Variants in SORCS1 observed in about 807,000 individuals in gnomAD.
SORCS1 encodes the protein sortilin related VPS10 domain containing receptor 1.
SORCS1 carries 60 observed loss-of-function variants against 146.1 expected under a neutral mutation model. The observed-to-expected ratio is 0.41, with a 90% CI of 0.33 to 0.51. SORCS1 has a LOEUF of 0.51. Ranked by LOEUF, SORCS1 falls within the 20% of genes least tolerant of loss-of-function variation. The pLI is 0.21. For missense variants in SORCS1, 1,352 were observed against 1,487.6 expected, an observed-to-expected ratio of 0.91 and a Z score of 1.50; for synonymous variants, 637 against 584.0, an observed-to-expected ratio of 1.09 and a Z score of -1.31.
intron 1 of SORCS1, among the ~76,000 whole-genome samples, chr10:107,004,804 C>T (rs985907739): frequency 1.3e-5 from 2 of 152,130 alleles, no homozygotes; most frequent in Non-Finnish European, 2.9e-5. Context: ...GCACTCTAGT[C>T]GAGGCATTTT....
chr10:107,176,229 CTCCT>C, the SORCS1 span, among the ~76,000 whole-genome samples: 2 of 149,390 alleles, frequency 1.3e-5, no homozygotes, highest in Admixed American at 6.7e-5. Context: ...TCCTTCCTCC[CTCCT>C]TCCCTGTTTT....
intron 2 of SORCS1, among the ~76,000 whole-genome samples, chr10:106,927,594 C>G (rs1486962825): frequency 6.6e-6 from 1 of 152,190 alleles, no homozygotes; most frequent in Non-Finnish European, 1.5e-5. Context: ...CACCCACATC[C>G]TGCCGATTGG....
intron 18 of SORCS1, among the ~76,000 whole-genome samples, chr10:106,638,714 C>T (rs537293182): frequency 1.3e-5 from 2 of 152,218 alleles, no homozygotes; most frequent in African/African-American, 4.8e-5. Context: ...TCACTTCATC[C>T]CCCTTCTAAA....
At chr10:106,956,673 T>C (rs961880357) in intron 1 of SORCS1, 93 bp from the exon 2 acceptor site, 11 of 1,004,056 alleles carry the variant, frequency 1.1e-5, no homozygotes, top group East Asian at 4.9e-5. Flanking sequence ...ATTCCTTTAA[T>C]AGTCACTTAA....
intron 1 of SORCS1, among the ~76,000 whole-genome samples, chr10:107,146,134 T>C (rs1189962030): frequency 1.3e-5 from 2 of 152,188 alleles, no homozygotes; most frequent in African/African-American, 4.8e-5. Context: ...GGTATAAGTA[T>C]AGCTTATGAT....
chr10:106,721,367 G>C (rs1252049160), intron 6 of SORCS1, among the ~76,000 whole-genome samples: 3 of 152,084 alleles, frequency 2.0e-5, no homozygotes, highest in Non-Finnish European at 4.4e-5. Context: ...AGTGGGGGTA[G>C]CAATCTGATA....
chr10:107,064,319 AT>A (rs1488193426), intron 1 of SORCS1, among the ~76,000 whole-genome samples: 1 of 152,146 alleles, frequency 6.6e-6, no homozygotes, highest in Non-Finnish European at 1.5e-5. Flanking sequence ...GACACCCACA[AT>A]CAATTAATGC....
intron 1 of SORCS1, among the ~76,000 whole-genome samples, chr10:107,019,493 C>T (rs1394997122): frequency 5.3e-5 from 8 of 152,148 alleles, no homozygotes; most frequent in Non-Finnish European, 1.2e-4. Context: ...AATTAGAAAG[C>T]TCAATCAGAT....
Position 106,699,367 on chromosome 10 carries a change from C to T in SORCS1, c.1260G>A (p.Glu420=), listed in dbSNP as rs1279011476. ...PKDMHVISTD[E]NQVFAAVQEW... ...CTTGGACCGCTGCGAACACCTGATT[C>T]TCATCGGTGCTGATAACATGCATGT... Residue 420 remains glutamate (E), a synonymous_variant, in exon 9 of 26, where the codon GAG becomes GAA. Coordinates refer to ENST00000263054, the MANE Select transcript of SORCS1 (RefSeq NM_052918.5). 3 of 1,612,976 alleles carry T rather than the reference C, an allele frequency of 1.9e-6. No individual in the cohort carries two copies. The highest frequency in any genetic ancestry group is 1.3e-5 in the African/African-American group (1 of 74,872).
At chr10:106,775,765 G>A (rs1589851399) in intron 4 of SORCS1, among the ~76,000 whole-genome samples, 1 of 152,070 alleles carries the variant, frequency 6.6e-6, no homozygotes, top group East Asian at 1.9e-4. Context: ...TCTCACATTT[G>A]CCTGTGTAAA....
intron 1 of SORCS1, among the ~76,000 whole-genome samples, chr10:107,028,424 C>G (rs1430705554): frequency 6.6e-6 from 1 of 152,156 alleles, no homozygotes; most frequent in Non-Finnish European, 1.5e-5. Context: ...TTCCCAAGAG[C>G]CTCTGTTTTC....
At chr10:106,579,584 T>A in intron 24 of SORCS1, 110 bp from the exon 25 acceptor site, 3 of 1,098,866 alleles carry the variant, frequency 2.7e-6, no homozygotes, top group Non-Finnish European at 4.0e-6. Flanking sequence ...TGGAAAACCA[T>A]GTGGGATATA....
intron 2 of SORCS1, among the ~76,000 whole-genome samples, chr10:106,918,342 T>C (rs535105275): frequency 3.4e-4 from 51 of 152,190 alleles, no homozygotes; most frequent in Non-Finnish European, 5.0e-4. Flanking sequence ...TTTGTATTTT[T>C]TTAGTAGAGA....
chr10:106,963,020 G>A (rs1229803901), intron 1 of SORCS1, among the ~76,000 whole-genome samples: 1 of 149,872 alleles, frequency 6.7e-6, no homozygotes, highest in African/African-American at 2.4e-5. Context: ...TGGGGGAAGA[G>A]AATAATAAGG....
At chr10:106,652,803 A>T (rs918648356) in intron 17 of SORCS1, among the ~76,000 whole-genome samples, 1 of 152,188 alleles carries the variant, frequency 6.6e-6, no homozygotes, top group Non-Finnish European at 1.5e-5. Flanking sequence ...GAATCACTTC[A>T]TTTTGAAGTT....
At chr10:106,851,130 T>C (rs767711955) in intron 2 of SORCS1, among the ~76,000 whole-genome samples, 1 of 152,242 alleles carries the variant, frequency 6.6e-6, no homozygotes, top group Non-Finnish European at 1.5e-5. Context: ...AGGTCTTTTA[T>C]AATTTTTTCC....
intron 10 of SORCS1, among the ~76,000 whole-genome samples, 187 bp from the exon 11 acceptor site, chr10:106,679,921 A>C (rs1852312525): frequency 6.6e-6 from 1 of 152,292 alleles, no homozygotes; most frequent in Admixed American, 6.5e-5. Context: ...GTGTCCACTA[A>C]GTGTAAAACA....
Position 106,730,077 on chromosome 10 carries a change from G to A in SORCS1, c.997C>T (p.His333Tyr), listed in dbSNP as rs750185980. 4.3e-6 allele frequency: 7 copies of A among 1,614,164 alleles called. No individual in the cohort carries two copies. In the South Asian group the frequency reaches 6.6e-5, roughly 15 times the overall value. The change falls in exon 6 of 26, where the codon CAT becomes TAT. Residue 333 changes from histidine (H) to tyrosine (Y), a missense_variant. By Grantham distance (83) the His-to-Tyr change is moderately conservative (BLOSUM62 2). Around this residue, in one of 3 missense-constraint regions of SORCS1, gnomAD observed 490 missense variants for 489.1 expected, o/e 1.00. Coordinates refer to ENST00000263054, the MANE Select transcript of SORCS1 (RefSeq NM_052918.5). ...CCATCCACAGTTCTGGCCTCAAGAT[G>A]CACAAGGTCTGGTTCTTTATTTGAC... ...MGSNKEPDLV[H>Y]LEARTVDGHS... is the part of the protein sequence containing the mutation.
At chr10:106,995,863 A>G (rs892677694) in intron 1 of SORCS1, among the ~76,000 whole-genome samples, 19 of 152,192 alleles carry the variant, frequency 1.2e-4, no homozygotes, top group Non-Finnish European at 5.9e-5. Context: ...ACTTATAACA[A>G]GGGAACCTGG....
Sources: gnomAD v4.1 joint callset for allele counts (sites outside exome capture counted in the v4.1 genomes callset) on GRCh38, gnomAD v4.1.1 for gene constraint, gnomAD v4.1.1 regional missense constraint, MANE v1.5 for transcripts, NCBI Gene and HGNC (gene_info 2026-07-23, HGNC 2026-07-21) for gene names.